CNTN4: variants seen among roughly 807,000 people sequenced by gnomAD.
CNTN4 encodes the protein contactin 4.
CNTN4 carries 77 observed loss-of-function variants against 122.5 expected under a neutral mutation model. That is an observed-to-expected ratio of 0.63 (90% CI 0.52 to 0.76). The LOEUF is 0.76. Among genes scored for constraint, CNTN4 ranks in the 30% least tolerant of loss-of-function variants. The probability of loss-of-function intolerance (pLI) is 0.00; values close to 1 mark genes in which losing one functional copy is unlikely to be tolerated. For synonymous variants in CNTN4, 512 were observed against 447.0 expected (o/e 1.15, Z -1.83); for missense variants, 1,256 against 1,259.1 (o/e 1.00, Z 0.04).
At chr3:2,699,162 G>A (rs2086215352) in intron 4 of CNTN4, among the ~76,000 whole-genome samples, 1 of 152,134 alleles carries the variant, frequency 6.6e-6, no homozygotes, top group African/African-American at 2.4e-5. Flanking sequence ...TAATCACTCA[G>A]CCCTAAAATA....
intron 6 of CNTN4, among the ~76,000 whole-genome samples, chr3:2,755,812 C>T (rs534698409): frequency 6.1e-4 from 93 of 152,064 alleles, no homozygotes; most frequent in Non-Finnish European, 1.2e-3. Flanking sequence ...GATGGGGATC[C>T]AAGCAAGATT....
intron 2 of CNTN4, among the ~76,000 whole-genome samples, chr3:2,104,682 C>T (rs573211480): frequency 6.6e-5 from 10 of 152,248 alleles, no homozygotes; most frequent in Middle Eastern, 6.8e-3. Context: ...TCAGTCACTT[C>T]GACATCCTTT....
rs2041005787 is a variant in CNTN4 at position 2,265,454 on chromosome 3, T to A, written c.-144-73724T>A. On this transcript the variant is annotated intron_variant, in intron 2 of 24. Transcript: ENST00000418658. ...TTATGCCAGTATCATGTGGTTTGTG[T>A]TACTATGACTTTGTAATATAATTTG... is the stretch of plus-strand genomic sequence containing the variant. Among the ~76,000 whole-genome samples, 5 of 152,266 alleles carry A rather than the reference T, an allele frequency of 3.3e-5. No individual in the cohort carries two copies. In the South Asian group the frequency reaches 1.0e-3, roughly 32 times the overall value.
intron 3 of CNTN4, among the ~76,000 whole-genome samples, chr3:2,443,021 A>G (rs1185159123): frequency 6.6e-6 from 1 of 152,198 alleles, no homozygotes; most frequent in Non-Finnish European, 1.5e-5. Flanking sequence ...AGAGGAGAAG[A>G]AAAGGTAACT....
At chr3:2,564,903 T>C (rs1035930180) in intron 3 of CNTN4, among the ~76,000 whole-genome samples, 12 of 152,192 alleles carry the variant, frequency 7.9e-5, no homozygotes, top group African/African-American at 2.7e-4. Context: ...ATGGAAGACA[T>C]CCTTCAGTAA....
chr3:2,762,483 C>T (rs987580424), intron 6 of CNTN4, among the ~76,000 whole-genome samples: 4 of 152,078 alleles, frequency 2.6e-5, no homozygotes, highest in African/African-American at 4.8e-5. Context: ...TCTGTTCCTG[C>T]GTTAGTTTGC....
chr3:2,302,578 A>T (rs1240527616), intron 2 of CNTN4, among the ~76,000 whole-genome samples: 1 of 152,204 alleles, frequency 6.6e-6, no homozygotes, highest in Admixed American at 6.5e-5. Flanking sequence ...AAATGCAATA[A>T]TATTTTCTCA....
intron 4 of CNTN4, among the ~76,000 whole-genome samples, chr3:2,720,703 C>T (rs1419024702): frequency 6.6e-6 from 1 of 152,182 alleles, no homozygotes; most frequent in East Asian, 1.9e-4. Context: ...TCCCCTCCCC[C>T]AGCATTATAG....
intron 12 of CNTN4, among the ~76,000 whole-genome samples, chr3:2,921,574 T>G (rs2151329536): frequency 6.6e-6 from 1 of 152,352 alleles, no homozygotes; most frequent in Non-Finnish European, 1.5e-5. Context: ...AGACAACGGT[T>G]AAAGTAATAA....
intron 2 of CNTN4, among the ~76,000 whole-genome samples, chr3:2,111,695 C>G (rs888147860): frequency 2.6e-5 from 4 of 152,026 alleles, no homozygotes; most frequent in Non-Finnish European, 5.9e-5. Flanking sequence ...GTCATTTAAC[C>G]TTTTTTAGCT....
intron 5 of CNTN4, among the ~76,000 whole-genome samples, chr3:2,739,146 A>G (rs1237831790): frequency 6.6e-6 from 1 of 152,166 alleles, no homozygotes; most frequent in African/African-American, 2.4e-5. Context: ...AAGATTGTCA[A>G]TATCATTAGT....
rs746232520 is a variant in CNTN4, at chr3:2,736,234, C to T, written c.75C>T (p.Gly25=). The T allele has an allele frequency of 1.9e-6, 3 of 1,613,540 alleles. No individual in the cohort carries two copies. In the East Asian group the frequency reaches 6.7e-5, roughly 36 times the overall value. The change falls in exon 5 of 25, where the codon GGC becomes GGT. Residue 25 remains glycine (G), a synonymous_variant. Transcript: ENST00000418658. The stretch of plus-strand genomic sequence containing the variant: ...TTTCAGATGATTCCACACTGCATGG[C>T]CCGATTTTTATTCAAGAACCAAGTC... ...LCLADDSTLH[G]PIFIQEPSPV...
chr3:2,524,109 T>G (rs2149175586), intron 3 of CNTN4, among the ~76,000 whole-genome samples: 1 of 152,196 alleles, frequency 6.6e-6, no homozygotes, highest in East Asian at 1.9e-4. Flanking sequence ...AATATATTTG[T>G]CATCCCAAAA....
intron 7 of CNTN4, among the ~76,000 whole-genome samples, chr3:2,824,411 C>T (rs185218887): frequency 2.0e-5 from 3 of 151,748 alleles, no homozygotes; most frequent in Admixed American, 1.3e-4. Context: ...GAGTGGAGAT[C>T]GCGCCACTGC....
At chr3:2,865,712 G>A (rs574059771) in intron 7 of CNTN4, among the ~76,000 whole-genome samples, 44 of 152,306 alleles carry the variant, frequency 2.9e-4, no homozygotes, top group African/African-American at 1.1e-3. Flanking sequence ...GCCTGGAGCT[G>A]AAGCAGTTTG....
chr3:2,365,203 A>G (rs925584296), intron 3 of CNTN4, among the ~76,000 whole-genome samples: 4 of 152,088 alleles, frequency 2.6e-5, no homozygotes, highest in Admixed American at 2.6e-4. Flanking sequence ...CTCAATGCCA[A>G]GTTACCTTAC....
intron 2 of CNTN4, among the ~76,000 whole-genome samples, chr3:2,203,383 T>C (rs1212422956): frequency 6.6e-6 from 1 of 152,114 alleles, no homozygotes; most frequent in African/African-American, 2.4e-5. Flanking sequence ...GCTACTATGA[T>C]GTTGTTATGA....
At chr3:2,110,958 A>G (rs1008320230) in intron 2 of CNTN4, among the ~76,000 whole-genome samples, 8 of 152,160 alleles carry the variant, frequency 5.3e-5, no homozygotes, top group African/African-American at 1.9e-4. Context: ...ACAGTGTGGA[A>G]TGTTGGCTAT....
intron 2 of CNTN4, among the ~76,000 whole-genome samples, chr3:2,253,140 G>T (rs143205161): frequency 4.8e-4 from 58 of 121,202 alleles, no homozygotes; most frequent in African/African-American, 1.5e-3. Context: ...AATTGAAATT[G>T]GTCAAGGTAA....
Sources: allele counts gnomAD v4.1 joint callset (sites outside exome capture counted in the v4.1 genomes callset), GRCh38; gene constraint gnomAD v4.1.1; transcripts MANE v1.5; gene names NCBI Gene and HGNC (gene_info 2026-07-23, HGNC 2026-07-21).